LTBP2: variants seen among roughly 807,000 people sequenced by gnomAD.
LTBP2 encodes latent transforming growth factor beta binding protein 2, also known as latent-transforming growth factor beta-binding protein 2.
A neutral mutation model predicts 210.6 loss-of-function variants in LTBP2; 103 were observed. The ratio of observed to expected loss-of-function variants is 0.49; its 90% CI spans 0.42 to 0.58. LTBP2 has a LOEUF of 0.58. LTBP2 is among the 20% of genes least tolerant of loss of function. LTBP2 has a pLI of 0.00. For missense variants in LTBP2, 2,313 were observed against 2,494.5 expected (o/e 0.93, Z 1.55); for synonymous variants, 1,007 against 1,015.0 (o/e 0.99, Z 0.15).
At chr14:74,572,410 C>A (rs1413119982) in intron 3 of LTBP2, among the ~76,000 whole-genome samples, 1 of 149,748 alleles carries the variant, frequency 6.7e-6, no homozygotes, top group African/African-American at 2.5e-5. Context: ...CAGTTAATTT[C>A]ACAAGTGGAA....
chr14:74,508,439 C>G (rs1343902224), intron 24 of LTBP2, among the ~76,000 whole-genome samples, 165 bp downstream of exon 24: 1 of 152,188 alleles, frequency 6.6e-6, no homozygotes, highest in Non-Finnish European at 1.5e-5. Context: ...TCGCTCCCAT[C>G]TTCTCCTCCC....
intron 25 of LTBP2, 83 bp downstream of exon 25, chr14:74,507,890 T>G (rs1479211246): frequency 3.1e-6 from 5 of 1,588,820 alleles, no homozygotes; most frequent in Non-Finnish European, 8.6e-7. Flanking sequence ...GAAAGTGCTC[T>G]GCTCCATGGG....
Position 74,506,833 on chromosome 14 carries a change from A to C in LTBP2, c.3908-10T>G. The C allele has an allele frequency of 6.2e-7, 1 of 1,613,460 alleles. No homozygotes were observed. Among genetic ancestry groups the C allele is most frequent in the African/African-American group, 1.3e-5 (1 of 74,932 alleles). ...GCGCACTCGTCTATGTCTGTGGGAC[A>C]GTGGGAACCAGGATAGAGGATGTGT... On this transcript the variant is annotated splice_polypyrimidine_tract_variant and intron_variant, in intron 26 of 35. Transcript: ENST00000261978.
Position 74,498,886 on chromosome 14 carries a change from C to T in LTBP2, c.*1998G>A, listed in dbSNP as rs1307492773. Reference sequence around the variant, plus strand: ...TCTTTCTTAAGGAATTTAGAGCCACCTTTTTTAAGGGTTCCATAGCAATTA... The same window carrying T: ...TCTTTCTTAAGGAATTTAGAGCCACTTTTTTTAAGGGTTCCATAGCAATTA... On this transcript the variant is annotated 3_prime_UTR_variant, in exon 36 of 36. Transcript: ENST00000261978. The T allele has an allele frequency of 4.4e-6, 1 of 226,694 alleles. No homozygotes were observed. Among genetic ancestry groups the T allele is most frequent in the Non-Finnish European group, 8.8e-6 (1 of 114,130 alleles). The allele number at this position is 226,694 out of a possible 1,614,324, so 14.0% of individuals were successfully genotyped here. A position where few individuals can be genotyped will look rare whatever the true frequency, so the allele number is the denominator to read the frequency against.
intron 8 of LTBP2, among the ~76,000 whole-genome samples, chr14:74,545,333 A>T (rs2087563721): frequency 6.6e-6 from 1 of 152,236 alleles, no homozygotes; most frequent in Non-Finnish European, 1.5e-5. Flanking sequence ...GTACAAATTC[A>T]GTGAGACAAA....
In LTBP2 at chr14:74,500,851, T is replaced by C; in HGVS notation, c.*33A>G. On this transcript the variant is annotated 3_prime_UTR_variant, in exon 36 of 36. Transcript: ENST00000261978. ...GGCCCCTGCCTGTGACTGGAGGCCA[T>C]TTCCAGGTAGTTGCCACACTGACCC... is the stretch of plus-strand genomic sequence containing the variant. The C allele has an allele frequency of 6.2e-7, 1 of 1,613,160 alleles. No homozygotes were observed. Among genetic ancestry groups the C allele is most frequent in the Non-Finnish European group, 8.5e-7 (1 of 1,179,890 alleles).
Position 74,507,238 on chromosome 14 carries a change from T to C in LTBP2, c.3848A>G (p.Tyr1283Cys). ...TWKCENSPGSYRCVLGCQPGF... is the reference protein window; with the variant it reads ...TWKCENSPGSCRCVLGCQPGF... The stretch of plus-strand genomic sequence containing the variant: ...AGGCTGGCAGCCCAGAACACAGCGG[T>C]AGGAGCCAGGGCTGTTTTCACACTT... The change falls in exon 26 of 36, where the codon TAC becomes TGC. Residue 1283 changes from tyrosine (Y) to cysteine (C), a missense_variant. Tyr to Cys is a radical substitution (Grantham distance 194, BLOSUM62 -2). This residue lies in a region of LTBP2 where 1,867 missense variants were observed against 1,976.9 expected (regional missense o/e 0.94). Coordinates refer to ENST00000261978, the MANE Select transcript of LTBP2 (RefSeq NM_000428.3). The C allele has an allele frequency of 1.9e-6, 3 of 1,614,144 alleles. No individual in the cohort carries two copies. The highest frequency in any genetic ancestry group is 2.5e-6 in the Non-Finnish European group (3 of 1,179,994).
At position 74,503,716 on chromosome 14, in the gene LTBP2, C is replaced by G. The variant is rs377731817; in HGVS notation, c.4583-110G>C. 1.9e-4 allele frequency: 280 copies of G among 1,477,694 alleles called. 8 individuals carry two copies. The East Asian group carries it at 2.8e-3, about 15-fold the overall frequency. 91.5% of individuals were successfully genotyped at this position (1,477,694 alleles called of 1,614,324 possible). Reference sequence around the variant, plus strand: ...TAATGAAGAGTTAGTGCCCTGCCTCCCTCCCCTCAACCCAGCCCAGCCTGG... The same window carrying G: ...TAATGAAGAGTTAGTGCCCTGCCTCGCTCCCCTCAACCCAGCCCAGCCTGG... On this transcript the variant is annotated intron_variant, in intron 31 of 35. Coordinates refer to ENST00000261978, the MANE Select transcript of LTBP2 (RefSeq NM_000428.3).
Position 74,498,535 on chromosome 14 carries a change from A to C in LTBP2, c.*2349T>G, listed in dbSNP as rs1279775983. 2 of 225,846 alleles carry C rather than the reference A, an allele frequency of 8.9e-6. No homozygotes were observed. The highest frequency in any genetic ancestry group is 1.1e-4 in the Admixed American group (2 of 17,508). The allele number at this position is 225,846 out of a possible 1,614,324, so 14.0% of individuals were successfully genotyped here. On this transcript the variant is annotated 3_prime_UTR_variant, in exon 36 of 36. Transcript: ENST00000261978. ...GGCAGCTCTAATTGCAAGTATAAAA[A>C]AAAAGCAAAGTGCAGAACAGCATGC...
At position 74,505,388 on chromosome 14, in the gene LTBP2, G is replaced by A. The variant is rs116418757; in HGVS notation, c.4178-214C>T. On this transcript the variant is annotated intron_variant, in intron 28 of 35. Coordinates refer to ENST00000261978, the MANE Select transcript of LTBP2 (RefSeq NM_000428.3). Reference sequence around the variant, plus strand: ...GAGGCTTAGAGAGGCTTGGGGCCTCGCCACTGCTGTGCGATTAAGCTATTA... The same window carrying A: ...GAGGCTTAGAGAGGCTTGGGGCCTCACCACTGCTGTGCGATTAAGCTATTA... Among the ~76,000 whole-genome samples, 801 of 152,256 alleles carry A rather than the reference G, an allele frequency of 5.3e-3. 6 individuals carry two copies. Among genetic ancestry groups the A allele is most frequent in the African/African-American group, 0.016 (683 of 41,528 alleles).
At chr14:74,577,904 C>G (rs1438460170) in intron 3 of LTBP2, among the ~76,000 whole-genome samples, 2 of 152,086 alleles carry the variant, frequency 1.3e-5, no homozygotes, top group African/African-American at 2.4e-5. Flanking sequence ...CCCAAGGTCT[C>G]CGAGCACACG....
intron 26 of LTBP2, 69 bp downstream of exon 26, chr14:74,507,110 G>A: frequency 6.2e-7 from 1 of 1,611,560 alleles, no homozygotes; most frequent in Non-Finnish European, 8.5e-7. Context: ...AGAAAATCAT[G>A]TCTCGCTCAA....
intron 18 of LTBP2, among the ~76,000 whole-genome samples, chr14:74,513,383 C>T (rs1210285855): frequency 6.6e-6 from 1 of 152,234 alleles, no homozygotes; most frequent in African/African-American, 2.4e-5. Context: ...ATTTGTGCAA[C>T]CCTCCAGAGT....
intron 8 of LTBP2, among the ~76,000 whole-genome samples, chr14:74,547,574 G>C (rs764788471): frequency 6.6e-6 from 1 of 152,176 alleles, no homozygotes; most frequent in Non-Finnish European, 1.5e-5. Context: ...AGGCAACAGC[G>C]TGACAGCTTC....
chr14:74,555,097 C>A (rs1054677916), intron 4 of LTBP2, among the ~76,000 whole-genome samples: 2 of 123,900 alleles, frequency 1.6e-5, no homozygotes, highest in African/African-American at 7.6e-5. Context: ...CACAGAGATT[C>A]TGTGGGAAGC....
chr14:74,579,532 C>T (rs565132833), intron 3 of LTBP2, among the ~76,000 whole-genome samples: 3 of 152,302 alleles, frequency 2.0e-5, no homozygotes, highest in African/African-American at 7.2e-5. Context: ...CCTGTGGAGC[C>T]GTGGAGGCTG....
rs886449618 is a variant in LTBP2 at position 74,521,818 on chromosome 14, C to T, written c.2788+93G>A. 6.8e-5 allele frequency: 104 copies of T among 1,537,316 alleles called. No individual in the cohort carries two copies. The African/African-American group carries it at 8.2e-4, about 12-fold the overall frequency. On this transcript the variant is annotated intron_variant, in intron 17 of 35. Coordinates refer to ENST00000261978, the MANE Select transcript of LTBP2 (RefSeq NM_000428.3). Reference sequence around the variant, plus strand: ...CTTCAGCTGCCCACTCCCCATTCTGCGGCACGGTGTTTGGGGGTGTGAACC... The same window carrying T: ...CTTCAGCTGCCCACTCCCCATTCTGTGGCACGGTGTTTGGGGGTGTGAACC...
At chr14:74,509,974 T>G in intron 20 of LTBP2, 115 bp from the exon 21 acceptor site, 1 of 1,609,280 alleles carries the variant, frequency 6.2e-7, no homozygotes, top group African/African-American at 1.3e-5. Context: ...GTTGGGTCAG[T>G]GTGAATAGGG....
chr14:74,556,353 T>C (rs1427376942), intron 3 of LTBP2, among the ~76,000 whole-genome samples: 3 of 152,238 alleles, frequency 2.0e-5, no homozygotes, highest in Non-Finnish European at 4.4e-5. Flanking sequence ...CACCTAGAGA[T>C]ACAATTTTAA....
Sources: gnomAD v4.1 joint callset for allele counts (sites outside exome capture counted in the v4.1 genomes callset) on GRCh38, gnomAD v4.1.1 for gene constraint, gnomAD v4.1.1 regional missense constraint, MANE v1.5 for transcripts, NCBI Gene and HGNC (gene_info 2026-07-23, HGNC 2026-07-21) for gene names.